The following CFAP54 variants were observed in gnomAD, a reference collection of about 807,000 sequenced individuals.
CFAP54 encodes the protein cilia and flagella associated protein 54, also known as cilia- and flagella-associated protein 54.
CFAP54 carries 290 observed loss-of-function variants against 370.4 expected under a neutral mutation model. The ratio of observed to expected loss-of-function variants is 0.78; its 90% confidence interval spans 0.71 to 0.86. The LOEUF (loss-of-function observed/expected upper bound fraction) is 0.86, where lower values mean the gene tolerates loss of function less well. Ranked by LOEUF, CFAP54 falls within the 40% of genes least tolerant of loss-of-function variation. The pLI is 0.00. For synonymous variants in CFAP54, 1,206 were observed against 1,236.5 expected, an observed-to-expected ratio of 0.98 and a Z score of 0.52; for missense variants, 3,399 against 3,528.7, an observed-to-expected ratio of 0.96 and a Z score of 0.93.
At chr12:96,768,191 C>T (rs974136406) in intron 60 of CFAP54, among the ~76,000 whole-genome samples, 1 of 151,968 alleles carries the variant, frequency 6.6e-6, no homozygotes, top group Non-Finnish European at 1.5e-5. Flanking sequence ...TGTGCTGCTG[C>T]ACACCTGTAG....
At chr12:96,811,611 T>C (rs1565986820) in intron 63 of CFAP54, 125 bp from the exon 64 acceptor site, 1 of 532,366 alleles carries the variant, frequency 1.9e-6, no homozygotes, top group Non-Finnish European at 3.2e-6. Flanking sequence ...GAAAACCCAA[T>C]TTTTCTCTTC....
intron 42 of CFAP54, 113 bp from the exon 43 acceptor site, chr12:96,688,803 G>A (rs1047526457): frequency 7.4e-6 from 4 of 542,248 alleles, no homozygotes; most frequent in Admixed American, 3.7e-5. Flanking sequence ...ATATTTATAT[G>A]TATGCATTTT....
chr12:96,538,904 C>T (rs974534831), intron 13 of CFAP54, among the ~76,000 whole-genome samples: 1 of 151,824 alleles, frequency 6.6e-6, no homozygotes, highest in African/African-American at 2.4e-5. Context: ...AGGCATACAC[C>T]ACCATGCCCA....
chr12:96,720,574 C>T lies in CFAP54; in HGVS notation c.6965+9C>T. 1.3e-6 allele frequency: 2 copies of T among 1,492,364 alleles called. No homozygotes were observed. The highest frequency in any genetic ancestry group is 1.8e-6 in the Non-Finnish European group (2 of 1,114,702). 92.4% of individuals were successfully genotyped at this position (1,492,364 alleles called of 1,614,324 possible). On this transcript the variant is annotated intron_variant, in intron 50 of 67. Coordinates refer to ENST00000524981, the MANE Select transcript of CFAP54 (RefSeq NM_001306084.2). ...CACCGGGCGGCATACAGGTGCGTCT[C>T]TCCATGCACAGGGGAGGGATACCTT...
chr12:96,725,541 T>C (rs1457836702), intron 50 of CFAP54, among the ~76,000 whole-genome samples: 1 of 152,214 alleles, frequency 6.6e-6, no homozygotes, highest in Admixed American at 6.5e-5. Context: ...CCTGAGACTT[T>C]GCTGAAGTTG....
At chr12:96,710,189 A>G (rs1484070299) in intron 48 of CFAP54, among the ~76,000 whole-genome samples, 2 of 152,062 alleles carry the variant, frequency 1.3e-5, no homozygotes, top group East Asian at 1.9e-4. Context: ...TTATTCAGGT[A>G]TGGTGAGACC....
chr12:96,621,835 A>T, intron 27 of CFAP54, 114 bp downstream of exon 27: 3 of 507,956 alleles, frequency 5.9e-6, no homozygotes, highest in Non-Finnish European at 8.3e-6. Context: ...TGTTATATTT[A>T]CATATAAGTA....
intron 66 of CFAP54, among the ~76,000 whole-genome samples, chr12:96,841,308 T>C (rs564714017): frequency 6.6e-6 from 1 of 152,354 alleles, no homozygotes; most frequent in African/African-American, 2.4e-5. Flanking sequence ...AGGGGAATCA[T>C]TAGCAAATCT....
intron 47 of CFAP54, among the ~76,000 whole-genome samples, chr12:96,705,943 G>A (rs1186211262): frequency 2.8e-5 from 1 of 36,318 alleles, no homozygotes; most frequent in African/African-American, 2.5e-4. Context: ...TCCAAACAAT[G>A]GAATTTTTTT....
At chr12:96,586,198 T>C (rs1956074921) in intron 22 of CFAP54, among the ~76,000 whole-genome samples, 1 of 152,066 alleles carries the variant, frequency 6.6e-6, no homozygotes, top group Non-Finnish European at 1.5e-5. Flanking sequence ...ACTGCCAGAG[T>C]TTATGATTCA....
chr12:96,504,994 T>TTTTCTTTCTTTCTTTCTTTCTTTCTTTC (rs140087516), intron 3 of CFAP54, among the ~76,000 whole-genome samples: 2 of 148,916 alleles, frequency 1.3e-5, no homozygotes, highest in Admixed American at 6.8e-5. Context: ...TCTTCTTTCT[T>TTTTCTTTCTTTCTTTCTTTCTTTCTTTC]TTTCTTTCTT....
Position 96,742,439 on chromosome 12 carries a change from G to C in CFAP54, c.7072G>C (p.Val2358Leu). 1 of 1,556,538 alleles carries C rather than the reference G, an allele frequency of 6.4e-7. No individual in the cohort carries two copies. Among genetic ancestry groups the C allele is most frequent in the Non-Finnish European group, 8.8e-7 (1 of 1,130,334 alleles). The change falls in exon 52 of 68, where the codon GTC becomes CTC. Residue 2358 changes from valine (V) to leucine (L), a missense_variant and splice_region_variant. Val to Leu is a conservative substitution (Grantham distance 32). This residue lies in a region of CFAP54 where 2,796 missense variants were observed against 2,869.7 expected (regional missense o/e 0.97). Coordinates refer to ENST00000524981, the MANE Select transcript of CFAP54 (RefSeq NM_001306084.2). ...TENPVSPGTS[V>L]TENKDDSEFL... Reference sequence around the variant, plus strand: ...TAACCATCATTTTAATATTGTTTAGGTCACTGAAAATAAAGATGACAGTGA... The same window carrying C: ...TAACCATCATTTTAATATTGTTTAGCTCACTGAAAATAAAGATGACAGTGA...
chr12:96,650,145 A>T (rs1454525927), intron 35 of CFAP54, 73 bp downstream of exon 35: 1 of 1,250,230 alleles, frequency 8.0e-7, no homozygotes, highest in East Asian at 2.4e-5. Flanking sequence ...TTTAAGATAC[A>T]TTGTGTTTAT....
intron 48 of CFAP54, among the ~76,000 whole-genome samples, chr12:96,714,238 G>A (rs2080481): frequency 0.38 from 57,182 of 152,012 alleles, 11,062 homozygotes; most frequent in Middle Eastern, 0.41. Flanking sequence ...ATACCTTGAA[G>A]GTGGAGTCAA....
At chr12:96,745,121 T>C (rs1958099072) in intron 55 of CFAP54, among the ~76,000 whole-genome samples, 1 of 152,230 alleles carries the variant, frequency 6.6e-6, no homozygotes, top group Non-Finnish European at 1.5e-5. Flanking sequence ...CCATGTCTTC[T>C]CTATTGTGAA....
intron 17 of CFAP54, among the ~76,000 whole-genome samples, chr12:96,559,686 A>C (rs937136505): frequency 2.0e-5 from 3 of 152,140 alleles, no homozygotes; most frequent in Admixed American, 6.5e-5. Context: ...ATATACATGG[A>C]CATATCCATA....
intron 48 of CFAP54, among the ~76,000 whole-genome samples, chr12:96,711,242 T>A (rs1006455071): frequency 6.6e-6 from 1 of 152,132 alleles, no homozygotes; most frequent in Non-Finnish European, 1.5e-5. Context: ...TTCTGTAAGG[T>A]TAGTAGTAAT....
intron 66 of CFAP54, among the ~76,000 whole-genome samples, chr12:96,859,761 G>T (rs113391703): frequency 0.01 from 1,542 of 152,164 alleles, 26 homozygotes; most frequent in African/African-American, 0.034. Flanking sequence ...ATTGATTAAG[G>T]AGGGATTTGT....
chr12:96,647,969 C>G lies in CFAP54; in HGVS notation c.4642C>G (p.Leu1548Val). ...GACTGTAGAAAATTATAAAGCAATG[C>G]TTGATTTCCTTCTTACAGCCAAAAA... ...KLTVENYKAM[L>V]DFLLTAKKRK... Residue 1548 changes from leucine to valine, a missense_variant, in exon 34 of 68, where the codon CTT becomes GTT. Leu to Val is a conservative substitution (Grantham distance 32). Coordinates refer to ENST00000524981, the MANE Select transcript of CFAP54 (RefSeq NM_001306084.2). 4 of 1,522,142 alleles carry G rather than the reference C, an allele frequency of 2.6e-6. No homozygotes were observed. Among genetic ancestry groups the G allele is most frequent in the Non-Finnish European group, 2.6e-6 (3 of 1,142,906 alleles). The allele number at this position is 1,522,142 out of a possible 1,614,324, so 94.3% of individuals were successfully genotyped here.
Sources: gnomAD v4.1 joint callset for allele counts (sites outside exome capture counted in the v4.1 genomes callset) on GRCh38, gnomAD v4.1.1 for gene constraint, gnomAD v4.1.1 regional missense constraint, MANE v1.5 for transcripts, NCBI Gene and HGNC (gene_info 2026-07-23, HGNC 2026-07-21) for gene names.